Variants in CMIP observed in about 807,000 individuals in gnomAD.
The protein encoded by CMIP is c-Maf inducing protein.
A neutral mutation model predicts 97.3 loss-of-function variants in CMIP; 13 were observed. The observed-to-expected ratio is 0.13, with a 90% CI of 0.09 to 0.21. The LOEUF (loss-of-function observed/expected upper bound fraction) is 0.21, where lower values mean the gene tolerates loss of function less well. Among genes scored for constraint, CMIP ranks in the 10% least tolerant of loss-of-function variants. The pLI is 1.00. For missense variants in CMIP, 847 were observed against 1,024.9 expected, an observed-to-expected ratio of 0.83 and a Z score of 2.37; for synonymous variants, 538 against 436.3, an observed-to-expected ratio of 1.23 and a Z score of -2.91.
At chr16:81,638,322 A>T (rs571159261) in intron 3 of CMIP, among the ~76,000 whole-genome samples, 185 of 152,290 alleles carry the variant, frequency 1.2e-3, no homozygotes, top group Non-Finnish European at 2.2e-3. Flanking sequence ...CAGTCACCTC[A>T]TGACCCAGGC....
At chr16:81,544,963 G>A (rs916952557) in intron 1 of CMIP, among the ~76,000 whole-genome samples, 2 of 152,054 alleles carry the variant, frequency 1.3e-5, no homozygotes, top group Non-Finnish European at 2.9e-5. Flanking sequence ...GCCAAATTGG[G>A]GCCAGACTCA....
intron 1 of CMIP, among the ~76,000 whole-genome samples, chr16:81,492,659 C>A (rs1165779680): frequency 6.6e-6 from 1 of 151,102 alleles, no homozygotes; most frequent in African/African-American, 2.4e-5. Context: ...GAGGAGGAGG[C>A]AAAACAGGGG....
chr16:81,703,855 G>A (rs965385458), intron 17 of CMIP, 84 bp from the exon 18 acceptor site: 5 of 1,485,824 alleles, frequency 3.4e-6, no homozygotes, highest in Admixed American at 4.1e-5. Context: ...GGCGAGGGGA[G>A]AGGAGGAGGA....
At chr16:81,696,739 C>A in intron 14 of CMIP, 72 bp downstream of exon 14, 1 of 1,401,730 alleles carries the variant, frequency 7.1e-7, no homozygotes, top group Non-Finnish European at 9.7e-7. Context: ...AGTAAAACAG[C>A]CGTCCCCCAT....
At position 81,453,389 on chromosome 16, in the gene CMIP, C is replaced by A. The variant is rs1053777905; in HGVS notation, c.300+7848C>A. Among the ~76,000 whole-genome samples, 6 of 152,226 alleles carry A rather than the reference C, an allele frequency of 3.9e-5. No homozygotes were observed. Among genetic ancestry groups the A allele is most frequent in the Non-Finnish European group, 2.9e-5 (2 of 68,034 alleles). On this transcript the variant is annotated intron_variant, in intron 1 of 20. Transcript: ENST00000537098. The surrounding 1 kb of genome is among the most constrained non-coding windows in gnomAD (Gnocchi z 4.0). ...TCCCTTGGGCTGGGCTGGCTGCATC[C>A]AGCTCAGGTGGGGTCATATGGAGAA...
intron 1 of CMIP, among the ~76,000 whole-genome samples, chr16:81,523,639 C>T (rs1385152071): frequency 2.0e-5 from 3 of 152,226 alleles, no homozygotes; most frequent in Non-Finnish European, 2.9e-5. Flanking sequence ...ACCCCCTTCC[C>T]GCGAAAAGCC....
intron 1 of CMIP, among the ~76,000 whole-genome samples, chr16:81,483,646 G>A (rs941616895): frequency 5.9e-5 from 9 of 151,800 alleles, no homozygotes; most frequent in Admixed American, 2.6e-4. Context: ...TGTTTTGTGG[G>A]GATTGATTGG....
chr16:81,678,169 C>T, intron 9 of CMIP, 106 bp from the exon 10 acceptor site: 1 of 753,410 alleles, frequency 1.3e-6, no homozygotes, highest in Non-Finnish European at 2.1e-6. Context: ...GATAGTATTA[C>T]ATTTTGGCCT....
chr16:81,465,080 C>T (rs1907121825), intron 1 of CMIP, among the ~76,000 whole-genome samples: 1 of 152,120 alleles, frequency 6.6e-6, no homozygotes. Flanking sequence ...TACGAGCGGA[C>T]ATTTATTTTT....
At chr16:81,649,394 G>A (rs1252112694) in intron 3 of CMIP, among the ~76,000 whole-genome samples, 1 of 152,250 alleles carries the variant, frequency 6.6e-6, no homozygotes, top group African/African-American at 2.4e-5. Flanking sequence ...TGCCAGCGTT[G>A]CCCACTGGGC....
intron 1 of CMIP, among the ~76,000 whole-genome samples, chr16:81,563,924 C>G (rs1253433947): frequency 6.6e-6 from 1 of 152,232 alleles, no homozygotes; most frequent in African/African-American, 2.4e-5. Context: ...TGCAGCCTAG[C>G]TGTCTCCAGC....
chr16:81,681,405 C>T (rs986339607), intron 10 of CMIP, among the ~76,000 whole-genome samples: 1 of 152,186 alleles, frequency 6.6e-6, no homozygotes, highest in African/African-American at 2.4e-5. Flanking sequence ...AAGTCTCACC[C>T]GTGCCACATA....
intron 3 of CMIP, among the ~76,000 whole-genome samples, chr16:81,646,449 C>T (rs1024807646): frequency 2.0e-5 from 3 of 152,200 alleles, no homozygotes; most frequent in African/African-American, 7.2e-5. Context: ...TGATGACTAC[C>T]TCCCTAGGAT....
At chr16:81,556,967 A>G (rs1182073971) in intron 1 of CMIP, among the ~76,000 whole-genome samples, 1 of 152,178 alleles carries the variant, frequency 6.6e-6, no homozygotes, top group Admixed American at 6.5e-5. Context: ...CCTGGATGGG[A>G]TCCAGGGACG....
In CMIP at chr16:81,706,976, C is replaced by A. The variant is rs368915592; in HGVS notation, c.2198-38C>A. The A allele has an allele frequency of 1.4e-4, 224 of 1,585,980 alleles. No individual in the cohort carries two copies. In the African/African-American group the frequency reaches 2.6e-3, roughly 19 times the overall value. On this transcript the variant is annotated intron_variant, in intron 19 of 20. Coordinates refer to ENST00000537098, the MANE Select transcript of CMIP (RefSeq NM_198390.3). ...ATCCCATACCTTCATACCTTTGGGG[C>A]CTCGCTCTCCTAACAACTGTATCTG...
chr16:81,649,629 C>A (rs1376217753), intron 3 of CMIP, among the ~76,000 whole-genome samples: 1 of 152,190 alleles, frequency 6.6e-6, no homozygotes, highest in African/African-American at 2.4e-5. Context: ...CTTTTCAGTA[C>A]AGTTTAGATT....
At chr16:81,623,276 C>T (rs1463968519) in intron 3 of CMIP, among the ~76,000 whole-genome samples, 1 of 152,200 alleles carries the variant, frequency 6.6e-6, no homozygotes, top group Non-Finnish European at 1.5e-5. Flanking sequence ...ACTGGGATCA[C>T]TGTGTTTCTA....
intron 4 of CMIP, among the ~76,000 whole-genome samples, chr16:81,656,156 A>T (rs1255340537): frequency 1.3e-5 from 2 of 152,146 alleles, no homozygotes; most frequent in African/African-American, 2.4e-5. Flanking sequence ...TCTCATGGGG[A>T]CCGGTAGAGA....
intron 5 of CMIP, among the ~76,000 whole-genome samples, chr16:81,660,395 C>A (rs2092531876): frequency 6.6e-6 from 1 of 152,014 alleles, no homozygotes; most frequent in African/African-American, 2.4e-5. Flanking sequence ...GCCTCAGCCT[C>A]CCGAGTAGCT....
Sources: gnomAD v4.1 joint callset for allele counts (sites outside exome capture counted in the v4.1 genomes callset) on GRCh38, gnomAD v4.1.1 for gene constraint, Gnocchi (gnomAD v3.1) non-coding constraint, MANE v1.5 for transcripts, NCBI Gene and HGNC (gene_info 2026-07-23, HGNC 2026-07-21) for gene names.